The following KATNIP variants were observed in gnomAD, a reference collection of about 807,000 sequenced individuals.
KATNIP encodes katanin-interacting protein.
In KATNIP, 126 loss-of-function variants were observed where a neutral mutation model predicts 174.0. The ratio of observed to expected loss-of-function variants is 0.72; its 90% confidence interval spans 0.63 to 0.84. The LOEUF (loss-of-function observed/expected upper bound fraction) is 0.84, where lower values mean the gene tolerates loss of function less well. KATNIP is among the 40% of genes least tolerant of loss of function. The probability of loss-of-function intolerance (pLI) is 0.00; values close to 1 mark genes in which losing one functional copy is unlikely to be tolerated. For synonymous variants in KATNIP, 810 were observed against 835.7 expected (o/e 0.97, Z 0.53); for missense variants, 1,958 against 2,109.7 (o/e 0.93, Z 1.41).
intron 5 of KATNIP, among the ~76,000 whole-genome samples, chr16:27,640,135 T>C (rs910326536): frequency 1.3e-5 from 2 of 152,184 alleles, no homozygotes; most frequent in Non-Finnish European, 2.9e-5. Context: ...GGGCCAGGTA[T>C]GAAATAAGCT....
At chr16:27,753,734 C>T (rs1222046387) in intron 17 of KATNIP, among the ~76,000 whole-genome samples, 5 of 148,600 alleles carry the variant, frequency 3.4e-5, no homozygotes, top group Non-Finnish European at 6.0e-5. Flanking sequence ...TCCTTCCTTC[C>T]CTCCCTCCCT....
At chr16:27,758,808 T>A (rs1217274051) in intron 18 of KATNIP, among the ~76,000 whole-genome samples, 1 of 152,192 alleles carries the variant, frequency 6.6e-6, no homozygotes, top group Non-Finnish European at 1.5e-5. Flanking sequence ...CTCCCTATCC[T>A]GTTGCTATTT....
intron 5 of KATNIP, among the ~76,000 whole-genome samples, chr16:27,642,446 A>G (rs2076827751): frequency 6.6e-6 from 1 of 152,210 alleles, no homozygotes. Flanking sequence ...AACTTAAAGT[A>G]TAATAAAAAG....
chr16:27,754,069 G>A, intron 17 of KATNIP, 104 bp from the exon 18 acceptor site: 1 of 896,872 alleles, frequency 1.1e-6, no homozygotes, highest in Non-Finnish European at 1.8e-6. Flanking sequence ...GACTTACCTG[G>A]GCATAGGGTG....
At chr16:27,553,694 G>A (rs762287970) in intron 1 of KATNIP, among the ~76,000 whole-genome samples, 19 of 152,124 alleles carry the variant, frequency 1.2e-4, no homozygotes, top group Non-Finnish European at 2.5e-4. Context: ...ATAATAGTCA[G>A]GCATGGTAGC....
At position 27,703,926 on chromosome 16, in the gene KATNIP, G is replaced by A. The variant is rs2079197590; in HGVS notation, c.1317G>A (p.Gln439=). ...RQQQKLLKVL[Q]AVESDSAHLG... is the part of the protein sequence containing the mutation. ...AGCAGAAGCTTCTGAAAGTCCTCCAGGCCGTCGAAAGTGACTCTGCCCATC... is the reference window on the plus strand; with the variant it reads ...AGCAGAAGCTTCTGAAAGTCCTCCAAGCCGTCGAAAGTGACTCTGCCCATC... The change falls in exon 12 of 28, where the codon CAG becomes CAA. Residue 439 remains glutamine, a synonymous_variant. Transcript: ENST00000261588. 1 of 1,614,044 alleles carries A rather than the reference G, an allele frequency of 6.2e-7. No individual in the cohort carries two copies. Among genetic ancestry groups the A allele is most frequent in the Non-Finnish European group, 8.5e-7 (1 of 1,180,032 alleles).
At chr16:27,575,918 G>A (rs2090480557) in intron 2 of KATNIP, among the ~76,000 whole-genome samples, 2 of 152,156 alleles carry the variant, frequency 1.3e-5, no homozygotes, top group Admixed American at 6.5e-5. Flanking sequence ...ATCTTTCTCT[G>A]GAGGCAGAAG....
intron 6 of KATNIP, chr16:27,654,497 A>T: frequency 2.2e-6 from 2 of 902,632 alleles, no homozygotes; most frequent in Non-Finnish European, 3.2e-6. Context: ...AGGGTGATTT[A>T]ATGAGGAGAA....
intron 2 of KATNIP, among the ~76,000 whole-genome samples, chr16:27,597,854 G>A (rs1158191212): frequency 6.6e-6 from 1 of 152,172 alleles, no homozygotes; most frequent in Non-Finnish European, 1.5e-5. Context: ...GCAAAGCACA[G>A]GGAAGGGGCT....
chr16:27,659,919 CT>C, intron 6 of KATNIP: 1 of 728,094 alleles, frequency 1.4e-6, no homozygotes, highest in Non-Finnish European at 1.7e-6. Flanking sequence ...AACTTTTCTT[CT>C]GAGCATGCAC....
intron 19 of KATNIP, among the ~76,000 whole-genome samples, chr16:27,762,319 A>T (rs1322458784): frequency 1.3e-5 from 2 of 152,092 alleles, no homozygotes; most frequent in Non-Finnish European, 2.9e-5. Context: ...AATAATAATA[A>T]CTGATCATAT....
In KATNIP at chr16:27,778,876, G is replaced by A. The variant is rs1432768155; in HGVS notation, c.*247G>A. 2.2e-5 allele frequency: 10 copies of A among 452,676 alleles called. No individual in the cohort carries two copies. The highest frequency in any genetic ancestry group is 1.2e-4 in the Admixed American group (3 of 25,814). The allele number at this position is 452,676 out of a possible 1,614,324, so 28.0% of individuals were successfully genotyped here. On this transcript the variant is annotated 3_prime_UTR_variant, in exon 28 of 28. Transcript: ENST00000261588. ...TGGCCACAGGGAGCCCAGGACACCC[G>A]CCTTCATGCCTCTGCTGTGAGACCC...
Position 27,773,193 on chromosome 16 carries a change from C to G in KATNIP, c.4293C>G (p.Ile1431Met). ...TGTATGACGAGCGAGGAGAAAAAAT[C>G]CCCTTGTCGGAAAACAGTATCCTTT... ...LELYDERGEK[I>M]PLSENNIAAF... Residue 1431 changes from isoleucine to methionine, a missense_variant, in exon 23 of 28, where the codon ATC (isoleucine) becomes ATG (methionine). By Grantham distance (10) the Ile-to-Met change is conservative. Around this residue, in one of 3 missense-constraint regions of KATNIP, gnomAD observed 383 missense variants for 456.0 expected, o/e 0.84. Transcript: ENST00000261588. 6.2e-7 allele frequency: 1 copy of G among 1,608,930 alleles called. No homozygotes were observed. The highest frequency in any genetic ancestry group is 8.5e-7 in the Non-Finnish European group (1 of 1,176,930).
chr16:27,620,504 G>C (rs1442219748), intron 3 of KATNIP, among the ~76,000 whole-genome samples: 1 of 152,178 alleles, frequency 6.6e-6, no homozygotes, highest in Non-Finnish European at 1.5e-5. Flanking sequence ...GGTGGAGCCG[G>C]GCTGGACTCT....
Position 27,728,718 on chromosome 16 carries a change from G to A in KATNIP, c.1743+7023G>A, listed in dbSNP as rs893814289. Among the ~76,000 whole-genome samples, 20 of 152,128 alleles carry A rather than the reference G, an allele frequency of 1.3e-4. No individual in the cohort carries two copies. The East Asian group carries it at 1.3e-3, about 10-fold the overall frequency. On this transcript the variant is annotated intron_variant, in intron 14 of 27. Transcript: ENST00000261588. Reference sequence around the variant, plus strand: ...GTGCTGGGATTTACAGGCATGAACCGCTCGGCCCAGCCACATTCAGCCTTT... The same window carrying A: ...GTGCTGGGATTTACAGGCATGAACCACTCGGCCCAGCCACATTCAGCCTTT...
At chr16:27,599,022 T>C (rs2075428351) in intron 2 of KATNIP, among the ~76,000 whole-genome samples, 1 of 152,082 alleles carries the variant, frequency 6.6e-6, no homozygotes. Flanking sequence ...GGGATACAAC[T>C]GTAAGCCACC....
chr16:27,686,967 A>G (rs865970580), intron 8 of KATNIP, among the ~76,000 whole-genome samples: 26 of 152,248 alleles, frequency 1.7e-4, no homozygotes, highest in African/African-American at 1.4e-4. Flanking sequence ...GATTATTACT[A>G]CTGATTATTA....
At position 27,563,515 on chromosome 16, in the gene KATNIP, C is replaced by T. The variant is rs140414390; in HGVS notation, c.8-10386C>T. Among the ~76,000 whole-genome samples, 113 of 152,110 alleles carry T rather than the reference C, an allele frequency of 7.4e-4. 1 individual carries two copies. In the East Asian group the frequency reaches 0.02, roughly 27 times the overall value. ...CCTGGGCAATAGAGCAAGGTTCCTT[C>T]TCTAAATACAAAGAAGAAAGACTGC... is the stretch of plus-strand genomic sequence containing the variant. On this transcript the variant is annotated intron_variant, in intron 1 of 27. Transcript: ENST00000261588.
At chr16:27,656,419 G>GA (rs927275425) in intron 6 of KATNIP, among the ~76,000 whole-genome samples, 2,427 of 34,312 alleles carry the variant, frequency 0.071, 70 homozygotes, top group African/African-American at 0.13. Flanking sequence ...CTCTGTCTCA[G>GA]AAAAAAAAAA....
Sources: allele counts gnomAD v4.1 joint callset (sites outside exome capture counted in the v4.1 genomes callset), GRCh38; gene constraint gnomAD v4.1.1; regional missense constraint gnomAD v4.1.1; transcripts MANE v1.5; gene names NCBI Gene and HGNC (gene_info 2026-07-23, HGNC 2026-07-21).